SLC25A21: variants seen among roughly 807,000 people sequenced by gnomAD.
SLC25A21 encodes solute carrier family 25 member 21, also known as mitochondrial 2-oxodicarboxylate carrier.
Under a neutral mutation model 43.8 loss-of-function variants are expected in SLC25A21, and 47 were observed. That is an observed-to-expected ratio of 1.07 (90% CI 0.85 to 1.37). SLC25A21 has a LOEUF of 1.37. SLC25A21 is among the 40% of genes most tolerant of loss of function. SLC25A21 has a pLI of 0.00. For synonymous variants in SLC25A21, 131 were observed against 121.3 expected (o/e 1.08, Z -0.52); for missense variants, 352 against 350.2 (o/e 1.00, Z -0.04).
At chr14:36,711,684 A>T (rs1234707250) in intron 6 of SLC25A21, among the ~76,000 whole-genome samples, 1 of 152,236 alleles carries the variant, frequency 6.6e-6, no homozygotes, top group East Asian at 1.9e-4. Context: ...CAGGCTTTAT[A>T]GAAAAGATTG....
At chr14:36,931,420 A>G (rs141125958) in intron 1 of SLC25A21, among the ~76,000 whole-genome samples, 1 of 152,234 alleles carries the variant, frequency 6.6e-6, no homozygotes, top group African/African-American at 2.4e-5. Context: ...CAAGGTGTCG[A>G]GGTGAGAGAG....
In SLC25A21 at chr14:36,678,544, G is replaced by A. The variant is rs1035800350; in HGVS notation, c.*2114C>T. On this transcript the variant is annotated 3_prime_UTR_variant, in exon 10 of 10. Coordinates refer to ENST00000331299, the MANE Select transcript of SLC25A21 (RefSeq NM_030631.4). ...AAAGATCCAATCCAATATTTTGGTG[G>A]AGACTTCTTTAAAACCATACCATAC... 134 of 1,536,496 alleles carry A rather than the reference G, an allele frequency of 8.7e-5. No individual in the cohort carries two copies. The Admixed American group carries it at 2.6e-3, about 30-fold the overall frequency.
chr14:37,018,018 C>T (rs993399538), intron 1 of SLC25A21, among the ~76,000 whole-genome samples: 2 of 151,400 alleles, frequency 1.3e-5, no homozygotes, highest in African/African-American at 4.9e-5. Context: ...CAATGATATA[C>T]ATAATAATGA....
chr14:36,915,201 AT>A (rs1807770001), intron 1 of SLC25A21, among the ~76,000 whole-genome samples: 1 of 152,026 alleles, frequency 6.6e-6, no homozygotes, highest in Non-Finnish European at 1.5e-5. Context: ...CCTTCCTAGT[AT>A]TTTTCACCAC....
intron 1 of SLC25A21, among the ~76,000 whole-genome samples, chr14:36,930,902 A>G (rs897900145): frequency 6.6e-6 from 1 of 151,990 alleles, no homozygotes; most frequent in African/African-American, 2.4e-5. Flanking sequence ...GCTTCCCCAA[A>G]TGCTCTTTAT....
At chr14:37,051,877 C>T (rs548363810) in intron 1 of SLC25A21, among the ~76,000 whole-genome samples, 25 of 152,294 alleles carry the variant, frequency 1.6e-4, no homozygotes, top group African/African-American at 6.0e-4. Context: ...ATTGGTTGAA[C>T]TTAACTGGAA....
chr14:37,169,549 G>A (rs973575944), intron 1 of SLC25A21, among the ~76,000 whole-genome samples: 1 of 148,308 alleles, frequency 6.7e-6, no homozygotes, highest in East Asian at 2.0e-4. Context: ...AAGCCAGAAT[G>A]TATCTTTGGC....
intron 1 of SLC25A21, among the ~76,000 whole-genome samples, chr14:37,032,444 G>C (rs1961235813): frequency 6.6e-6 from 1 of 152,118 alleles, no homozygotes; most frequent in African/African-American, 2.4e-5. Context: ...GCTGAGGCAG[G>C]AGAATGGCGT....
chr14:36,718,864 T>G (rs758152350), intron 6 of SLC25A21, among the ~76,000 whole-genome samples: 6 of 152,204 alleles, frequency 3.9e-5, no homozygotes, highest in African/African-American at 1.2e-4. Flanking sequence ...AATTATTTCT[T>G]TTTTGGGCTG....
chr14:37,169,732 T>C (rs1052775456), intron 1 of SLC25A21, among the ~76,000 whole-genome samples: 3 of 152,084 alleles, frequency 2.0e-5, no homozygotes, highest in African/African-American at 7.2e-5. Context: ...CTTGACCAAG[T>C]ATATATAATA....
intron 5 of SLC25A21, among the ~76,000 whole-genome samples, chr14:36,726,300 G>C (rs1172838749): frequency 1.3e-5 from 2 of 152,178 alleles, no homozygotes; most frequent in African/African-American, 2.4e-5. Context: ...GAAATGGCTA[G>C]ATGTGCACCC....
intron 1 of SLC25A21, among the ~76,000 whole-genome samples, chr14:36,882,070 G>A (rs1223475561): frequency 1.3e-5 from 2 of 152,066 alleles, no homozygotes; most frequent in East Asian, 3.9e-4. Context: ...ATTTTACATT[G>A]TATCACATAT....
rs1001795748 is a variant in SLC25A21 at position 36,678,287 on chromosome 14, G to C, written c.*2371C>G. The stretch of plus-strand genomic sequence containing the variant: ...TTTCTGACACACAAATTATGTTAGA[G>C]TGACTGCTTTTTTCAGACAGCAGAT... On this transcript the variant is annotated 3_prime_UTR_variant, in exon 10 of 10. Coordinates refer to ENST00000331299, the MANE Select transcript of SLC25A21 (RefSeq NM_030631.4). 3.3e-5 allele frequency: 19 copies of C among 576,454 alleles called. No homozygotes were observed. The highest frequency in any genetic ancestry group is 5.6e-5 in the Non-Finnish European group (18 of 323,880). The allele number at this position is 576,454 out of a possible 1,614,324, so 35.7% of individuals were successfully genotyped here.
At chr14:37,059,737 GGTCT>G (rs140091088) in intron 1 of SLC25A21, among the ~76,000 whole-genome samples, 212 of 152,210 alleles carry the variant, frequency 1.4e-3, no homozygotes, top group Middle Eastern at 6.8e-3. Context: ...GGATAAACAG[GGTCT>G]GGTGACAATG....
intron 1 of SLC25A21, among the ~76,000 whole-genome samples, chr14:36,919,649 A>G (rs74047045): frequency 4.0e-5 from 6 of 149,740 alleles, no homozygotes; most frequent in African/African-American, 1.5e-4. Flanking sequence ...CTATCTATCT[A>G]TCTATCTATC....
intron 6 of SLC25A21, among the ~76,000 whole-genome samples, chr14:36,713,588 C>T (rs1034274754): frequency 6.6e-6 from 1 of 152,126 alleles, no homozygotes; most frequent in African/African-American, 2.4e-5. Flanking sequence ...AAGTTTGAGT[C>T]TCAGCAATAC....
At chr14:36,775,961 G>A (rs1886804073) in intron 3 of SLC25A21, among the ~76,000 whole-genome samples, 1 of 152,038 alleles carries the variant, frequency 6.6e-6, no homozygotes, top group Non-Finnish European at 1.5e-5. Context: ...TGAGATACCT[G>A]GAGACACTAA....
intron 1 of SLC25A21, among the ~76,000 whole-genome samples, chr14:36,995,061 T>C (rs1044392603): frequency 1.6e-4 from 24 of 152,154 alleles, no homozygotes; most frequent in Admixed American, 3.9e-4. Context: ...TCTGAATTGA[T>C]CCCCTTTCAC....
chr14:36,822,178 T>G (rs1354764906), intron 2 of SLC25A21, among the ~76,000 whole-genome samples: 1 of 152,242 alleles, frequency 6.6e-6, no homozygotes, highest in African/African-American at 2.4e-5. Context: ...AATTTAAGCA[T>G]TGCCTTTGCT....
Sources: gnomAD v4.1 joint callset for allele counts (sites outside exome capture counted in the v4.1 genomes callset) on GRCh38, gnomAD v4.1.1 for gene constraint, MANE v1.5 for transcripts, NCBI Gene and HGNC (gene_info 2026-07-23, HGNC 2026-07-21) for gene names.